SDK1: variants seen among roughly 807,000 people sequenced by gnomAD.
The protein encoded by SDK1 is sidekick cell adhesion molecule 1.
A neutral mutation model predicts 245.5 loss-of-function variants in SDK1; 157 were observed. The ratio of observed to expected loss-of-function variants is 0.64; its 90% CI spans 0.56 to 0.73. The LOEUF (loss-of-function observed/expected upper bound fraction) is 0.73, where lower values mean the gene tolerates loss of function less well. Ranked by LOEUF, SDK1 falls within the 30% of genes least tolerant of loss-of-function variation. The pLI, the probability that SDK1 is intolerant of heterozygous loss-of-function variation, is 0.00. For missense variants in SDK1, 3,583 were observed against 3,002.3 expected (o/e 1.19, Z -4.52); for synonymous variants, 1,647 against 1,278.5 (o/e 1.29, Z -6.15).
chr7:3,941,023 C>G (rs901234555), intron 5 of SDK1, among the ~76,000 whole-genome samples: 4 of 151,842 alleles, frequency 2.6e-5, no homozygotes, highest in Non-Finnish European at 5.9e-5. Flanking sequence ...AACGCCTTCC[C>G]TTCTCCCTCC....
At chr7:3,809,512 T>C (rs1485551773) in intron 4 of SDK1, among the ~76,000 whole-genome samples, 4 of 152,082 alleles carry the variant, frequency 2.6e-5, no homozygotes, top group Non-Finnish European at 4.4e-5. Flanking sequence ...CACTCGGCAA[T>C]CGAAAAGAGT....
chr7:4,245,872 C>T (rs1396907954), intron 44 of SDK1, 67 bp downstream of exon 44: 3 of 1,578,190 alleles, frequency 1.9e-6, no homozygotes, highest in Non-Finnish European at 2.6e-6. Flanking sequence ...GACTTCTGCC[C>T]CCTCAGGCTG....
intron 1 of SDK1, among the ~76,000 whole-genome samples, chr7:3,487,016 T>C (rs1180329755): frequency 1.3e-5 from 2 of 152,218 alleles, no homozygotes; most frequent in Non-Finnish European, 1.5e-5. Context: ...TTTTTTCTTG[T>C]AATGGGCCGG....
intron 4 of SDK1, among the ~76,000 whole-genome samples, chr7:3,688,897 G>T (rs1784364024): frequency 6.6e-6 from 1 of 152,116 alleles, no homozygotes; most frequent in Admixed American, 6.5e-5. Flanking sequence ...GAACAGCACT[G>T]TGAGCTCCCT....
chr7:3,622,265 G>A (rs533186907), intron 2 of SDK1, among the ~76,000 whole-genome samples: 1 of 152,250 alleles, frequency 6.6e-6, no homozygotes, highest in Non-Finnish European at 1.5e-5. Context: ...ATCATTTGAG[G>A]TCAGGAGTTC....
At chr7:3,313,440 C>T (rs1779595272) in intron 1 of SDK1, among the ~76,000 whole-genome samples, 1 of 151,984 alleles carries the variant, frequency 6.6e-6, no homozygotes, top group Admixed American at 6.6e-5. Flanking sequence ...AGATAAAAAA[C>T]AAAGTTGATG....
At chr7:3,347,729 C>T (rs748991427) in intron 1 of SDK1, among the ~76,000 whole-genome samples, 1 of 152,152 alleles carries the variant, frequency 6.6e-6, no homozygotes, top group African/African-American at 2.4e-5. Flanking sequence ...TCTGAACCTT[C>T]TGGGTACCAT....
chr7:4,233,652 C>T lies in SDK1; in HGVS notation c.5992+233C>T, dbSNP rs371283942. 1.6e-3 allele frequency among the ~76,000 whole-genome samples: 239 copies of T among 152,114 alleles called. 1 individual carries two copies. The highest frequency in any genetic ancestry group is 2.9e-3 in the Non-Finnish European group (198 of 67,986). On this transcript the variant is annotated intron_variant, in intron 41 of 44. Transcript: ENST00000404826. ...GACGGGAGAGAGAAATGAAGTCAAG[C>T]GGGACGAAAGGGACACACATCTGCT... is the stretch of plus-strand genomic sequence containing the variant.
chr7:3,759,300 A>G (rs1168209078), intron 4 of SDK1, among the ~76,000 whole-genome samples: 6 of 152,224 alleles, frequency 3.9e-5, no homozygotes, highest in Non-Finnish European at 2.9e-5. Flanking sequence ...TTTAATAGGG[A>G]ATGCTCATGT....
chr7:3,342,149 A>T lies in SDK1; in HGVS notation c.298+40265A>T, dbSNP rs117618519. The stretch of plus-strand genomic sequence containing the variant: ...TGAAAAAGCAATTCACTGATAGATT[A>T]TTCTTCTCAACAAATGGTGTTGGAG... On this transcript the variant is annotated intron_variant, in intron 1 of 44. Coordinates refer to ENST00000404826, the MANE Select transcript of SDK1 (RefSeq NM_152744.4). Among the ~76,000 whole-genome samples the T allele has an allele frequency of 4.2e-3, 635 of 152,354 alleles. 2 individuals are homozygous for T. Among genetic ancestry groups the T allele is most frequent in the Non-Finnish European group, 6.9e-3 (469 of 68,034 alleles).
chr7:4,141,413 A>C (rs1434776565), intron 28 of SDK1, among the ~76,000 whole-genome samples: 4 of 152,272 alleles, frequency 2.6e-5, no homozygotes, highest in Non-Finnish European at 4.4e-5. Flanking sequence ...GCAATGGAAT[A>C]ATCTGGGCAG....
At chr7:3,411,734 G>A (rs1342391242) in intron 1 of SDK1, among the ~76,000 whole-genome samples, 2 of 151,866 alleles carry the variant, frequency 1.3e-5, no homozygotes, top group African/African-American at 4.8e-5. Context: ...CATCCTTTGT[G>A]TCTAGTCTCT....
chr7:3,416,564 A>G (rs142750848), intron 1 of SDK1, among the ~76,000 whole-genome samples: 1 of 149,682 alleles, frequency 6.7e-6, no homozygotes, highest in Admixed American at 6.7e-5. Flanking sequence ...CAATAAGGAG[A>G]TTAGGGAGGT....
chr7:4,195,274 C>T (rs189059737), intron 35 of SDK1, among the ~76,000 whole-genome samples: 8 of 152,316 alleles, frequency 5.3e-5, no homozygotes, highest in South Asian at 4.1e-4. Context: ...TATAGTCACG[C>T]GATGCGCTGC....
chr7:3,511,848 T>G (rs1393569845), intron 1 of SDK1, among the ~76,000 whole-genome samples: 3 of 149,544 alleles, frequency 2.0e-5, no homozygotes, highest in African/African-American at 7.4e-5. Flanking sequence ...CAAAATTGAG[T>G]AGCTGGTACA....
chr7:3,644,354 C>G (rs1490250622), intron 4 of SDK1, among the ~76,000 whole-genome samples: 1 of 151,252 alleles, frequency 6.6e-6, no homozygotes, highest in Non-Finnish European at 1.5e-5. Flanking sequence ...TATTTAATTA[C>G]AAGTTACTTA....
chr7:4,226,402 G>T (rs1194792519), intron 40 of SDK1, among the ~76,000 whole-genome samples: 1 of 152,218 alleles, frequency 6.6e-6, no homozygotes, highest in Non-Finnish European at 1.5e-5. Flanking sequence ...CTTTGCAGAG[G>T]GTGGCCAGCG....
At chr7:3,539,731 G>C (rs538049175) in intron 1 of SDK1, among the ~76,000 whole-genome samples, 1 of 152,368 alleles carries the variant, frequency 6.6e-6, no homozygotes, top group African/African-American at 2.4e-5. Context: ...AGGGTGAGTA[G>C]TGGAAATGAA....
At chr7:3,344,780 G>A (rs897328949) in intron 1 of SDK1, among the ~76,000 whole-genome samples, 1 of 152,168 alleles carries the variant, frequency 6.6e-6, no homozygotes, top group African/African-American at 2.4e-5. Context: ...AGTGTCCCTG[G>A]TAGTAAGTTC....
Sources: gnomAD v4.1 joint callset for allele counts (sites outside exome capture counted in the v4.1 genomes callset) on GRCh38, gnomAD v4.1.1 for gene constraint, MANE v1.5 for transcripts, NCBI Gene and HGNC (gene_info 2026-07-23, HGNC 2026-07-21) for gene names.